Variants in COL28A1 observed in about 807,000 individuals in gnomAD.
COL28A1 encodes collagen type XXVIII alpha 1 chain, also known as collagen alpha-1(XXVIII) chain.
In COL28A1, 161 loss-of-function variants were observed where a neutral mutation model predicts 150.2. The observed-to-expected ratio is 1.07, with a 90% confidence interval of 0.94 to 1.22. COL28A1 has a LOEUF of 1.22. Among genes scored for constraint, COL28A1 ranks in the 50% most tolerant of loss-of-function variants. The pLI, the probability that COL28A1 is intolerant of heterozygous loss-of-function variation, is 0.00. For missense variants in COL28A1, 1,617 were observed against 1,388.3 expected, an observed-to-expected ratio of 1.16 and a Z score of -2.62; for synonymous variants, 552 against 469.7, an observed-to-expected ratio of 1.18 and a Z score of -2.26.
chr7:7,490,197 C>T (rs924086751), intron 12 of COL28A1, among the ~76,000 whole-genome samples: 26 of 152,146 alleles, frequency 1.7e-4, no homozygotes, highest in African/African-American at 6.3e-4. Context: ...CATGGCCCTT[C>T]TGGTTTCTGC....
chr7:7,510,999 G>C (rs1781102136), intron 9 of COL28A1, 92 bp downstream of exon 9: 1 of 977,970 alleles, frequency 1.0e-6, no homozygotes, highest in Non-Finnish European at 1.6e-6. Flanking sequence ...CTAGTAGTGA[G>C]ATCACCATAA....
chr7:7,416,704 A>T (rs11975449), intron 27 of COL28A1, among the ~76,000 whole-genome samples: 35,768 of 152,120 alleles, frequency 0.24, 5,505 homozygotes, highest in African/African-American at 0.44. Flanking sequence ...GATGAACAAC[A>T]GTTATTTAGA....
At position 7,520,116 on chromosome 7, in the gene COL28A1, C is replaced by G; in HGVS notation, c.760-1G>C. ...TGATACCTGGATTTCCATGTGTACC[C>G]TGAAGGCAAAGGGAAAAAATATTAT... On this transcript the variant is annotated splice_acceptor_variant, in intron 5 of 34. Coordinates refer to ENST00000399429, the MANE Select transcript of COL28A1 (RefSeq NM_001037763.3). LOFTEE classifies it high-confidence loss of function. 1 of 1,289,272 alleles carries G rather than the reference C, an allele frequency of 7.8e-7. No homozygotes were observed. The highest frequency in any genetic ancestry group is 1.1e-6 in the Non-Finnish European group (1 of 886,488). The allele number at this position is 1,289,272 out of a possible 1,614,324, so 79.9% of individuals were successfully genotyped here.
chr7:7,532,503 C>A (rs1260474952), intron 2 of COL28A1, among the ~76,000 whole-genome samples: 1 of 151,950 alleles, frequency 6.6e-6, no homozygotes, highest in African/African-American at 2.4e-5. Context: ...GTGGCAATCT[C>A]CGTCCTGCCT....
At chr7:7,352,426 C>G (rs551988076), downstream of COL28A1, among the ~76,000 whole-genome samples, 8 of 152,268 alleles carry the variant, frequency 5.3e-5, no homozygotes, top group East Asian at 1.4e-3. Flanking sequence ...TGTAACTAAA[C>G]TGAAGGACTT....
intron 27 of COL28A1, among the ~76,000 whole-genome samples, chr7:7,391,868 C>T (rs1004273948): frequency 2.0e-5 from 3 of 148,068 alleles, no homozygotes; most frequent in African/African-American, 7.5e-5. Flanking sequence ...TATTTTGAGC[C>T]TATGTGTGTC....
At position 7,432,476 on chromosome 7, in the gene COL28A1, T is replaced by C. The variant is rs1302725163; in HGVS notation, c.1995A>G (p.Ala665=). ...MGLRGVGDTG[A]KGEPGVRGPP... is the part of the protein sequence containing the mutation. ...GTTGCCTACTTTAAAGTCTTACCTT[T>C]GCTCCAGTGTCTCCCACTCCACGTA... Residue 665 remains alanine, a synonymous_variant, in exon 25 of 35, where the codon GCA becomes GCG. Transcript: ENST00000399429. 1.4e-5 allele frequency: 22 copies of C among 1,613,914 alleles called. No homozygotes were observed. Among genetic ancestry groups the C allele is most frequent in the East Asian group, 2.2e-5 (1 of 44,894 alleles).
intron 27 of COL28A1, among the ~76,000 whole-genome samples, chr7:7,413,407 T>C (rs1385567516): frequency 6.6e-6 from 1 of 152,200 alleles, no homozygotes; most frequent in East Asian, 1.9e-4. Flanking sequence ...GCAATGATTG[T>C]TGACTCTTCA....
chr7:7,426,145 G>A (rs1784632162), intron 25 of COL28A1, among the ~76,000 whole-genome samples: 1 of 152,190 alleles, frequency 6.6e-6, no homozygotes, highest in Non-Finnish European at 1.5e-5. Flanking sequence ...AGCCTCTTAA[G>A]GATGTTCCAA....
intron 27 of COL28A1, among the ~76,000 whole-genome samples, chr7:7,396,570 C>G (rs1038902746): frequency 1.3e-5 from 2 of 152,178 alleles, no homozygotes; most frequent in African/African-American, 4.8e-5. Context: ...TGTTAACATT[C>G]TCTAATGGGG....
At chr7:7,395,076 G>C (rs1782760264) in intron 27 of COL28A1, among the ~76,000 whole-genome samples, 1 of 152,208 alleles carries the variant, frequency 6.6e-6, no homozygotes, top group Non-Finnish European at 1.5e-5. Context: ...AGAATCACTT[G>C]AGGCCAGGAG....
At chr7:7,460,971 C>G (rs1321005325) in intron 15 of COL28A1, among the ~76,000 whole-genome samples, 3 of 152,156 alleles carry the variant, frequency 2.0e-5, no homozygotes, top group Admixed American at 1.3e-4. Flanking sequence ...CACTGTGAAC[C>G]TTTGCTCTAG....
intron 27 of COL28A1, 74 bp downstream of exon 27, chr7:7,417,785 C>G (rs888835509): frequency 1.7e-5 from 21 of 1,259,464 alleles, no homozygotes; most frequent in Non-Finnish European, 2.3e-5. Context: ...GCCATTTTTG[C>G]GTTATCTACA....
chr7:7,397,905 C>T (rs1431256879), intron 27 of COL28A1, among the ~76,000 whole-genome samples: 1 of 152,170 alleles, frequency 6.6e-6, no homozygotes, highest in Non-Finnish European at 1.5e-5. Context: ...AATCCCTTCA[C>T]CTGACGTAAC....
chr7:7,473,390 C>T (rs1197861913), intron 15 of COL28A1, among the ~76,000 whole-genome samples: 4 of 151,998 alleles, frequency 2.6e-5, no homozygotes, highest in Non-Finnish European at 5.9e-5. Flanking sequence ...GACATGAATA[C>T]ACAATTCTCG....
intron 9 of COL28A1, 49 bp from the exon 10 acceptor site, chr7:7,507,210 G>T: frequency 1.2e-6 from 1 of 818,676 alleles, no homozygotes; most frequent in Non-Finnish European, 2.1e-6. Context: ...CATCTTCAAC[G>T]TGCAGTGATT....
intron 15 of COL28A1, among the ~76,000 whole-genome samples, chr7:7,464,685 G>T (rs1022669287): frequency 6.6e-6 from 1 of 152,206 alleles, no homozygotes; most frequent in Admixed American, 6.5e-5. Context: ...AAAGTTCATA[G>T]CCCTAAACAC....
At position 7,532,815 on chromosome 7, in the gene COL28A1, C is replaced by A. The variant is rs1219875689; in HGVS notation, c.61G>T (p.Val21Leu). 1 of 1,612,494 alleles carries A rather than the reference C, an allele frequency of 6.2e-7. No homozygotes were observed. Residue 21 changes from valine to leucine, a missense_variant, in exon 2 of 35, where the codon GTA becomes TTA. Val to Leu is a conservative substitution (Grantham distance 32, BLOSUM62 1). Coordinates refer to ENST00000399429, the MANE Select transcript of COL28A1 (RefSeq NM_001037763.3). ...GGTCCTTTCTTTCTTTGTCCGGATACTGTTTGACTCGTAAACGCTGACAAA... is the reference window on the plus strand; with the variant it reads ...GGTCCTTTCTTTCTTTGTCCGGATAATGTTTGACTCGTAAACGCTGACAAA... ...LLLSAFTSQT[V>L]SGQRKKGPKS...
intron 27 of COL28A1, among the ~76,000 whole-genome samples, chr7:7,396,929 T>G (rs1469797139): frequency 6.6e-6 from 1 of 152,196 alleles, no homozygotes; most frequent in Non-Finnish European, 1.5e-5. Context: ...AATGCAGGGC[T>G]TTTGTTAATA....
Sources: allele counts gnomAD v4.1 joint callset (sites outside exome capture counted in the v4.1 genomes callset), GRCh38; gene constraint gnomAD v4.1.1; transcripts MANE v1.5; gene names NCBI Gene and HGNC (gene_info 2026-07-23, HGNC 2026-07-21).